STXBP5: variants seen among roughly 807,000 people sequenced by gnomAD.
STXBP5 encodes the protein syntaxin binding protein 5.
Under a neutral mutation model 152.4 loss-of-function variants are expected in STXBP5, and 50 were observed. The observed-to-expected ratio is 0.33, with a 90% CI of 0.26 to 0.42. The LOEUF (loss-of-function observed/expected upper bound fraction) is 0.42. Ranked by LOEUF, STXBP5 falls within the 10% of genes least tolerant of loss-of-function variation. The pLI is 1.00. For synonymous variants in STXBP5, 492 were observed against 494.7 expected (o/e 0.99, Z 0.07); for missense variants, 1,167 against 1,388.6 (o/e 0.84, Z 2.54).
chr6:147,299,103 A>C (rs376511416), intron 9 of STXBP5, among the ~76,000 whole-genome samples: 11 of 152,036 alleles, frequency 7.2e-5, no homozygotes, highest in African/African-American at 2.7e-4. Context: ...CTGAAAAGTT[A>C]AAATCAAACC....
Position 147,327,234 on chromosome 6 carries a change from A to C in STXBP5, c.2038A>C (p.Arg680=), listed in dbSNP as rs907061741. 1.9e-6 allele frequency: 3 copies of C among 1,613,960 alleles called. No homozygotes were observed. Among genetic ancestry groups the C allele is most frequent in the Non-Finnish European group, 2.5e-6 (3 of 1,179,932 alleles). ...ATATGGCTCTAATGATCCTTATCGG[A>C]GAGAACCCCGATCTCCTCGTAAATC... ...ELYGSNDPYR[R]EPRSPRKSRQ... The change falls in exon 18 of 28, where the codon AGA becomes CGA. Residue 680 remains arginine, a synonymous_variant. Coordinates refer to ENST00000321680, the MANE Select transcript of STXBP5 (RefSeq NM_001127715.4).
chr6:147,269,839 A>T (rs1562451792), intron 7 of STXBP5, among the ~76,000 whole-genome samples: 1 of 152,204 alleles, frequency 6.6e-6, no homozygotes, highest in Admixed American at 6.5e-5. Context: ...GTACGACTTC[A>T]AGCAGACTAA....
At chr6:147,358,374 G>A (rs1784903874) in intron 22 of STXBP5, among the ~76,000 whole-genome samples, 1 of 152,178 alleles carries the variant, frequency 6.6e-6, no homozygotes, top group Non-Finnish European at 1.5e-5. Context: ...GAAAGAAGGT[G>A]CCAAGGGCTA....
intron 25 of STXBP5, among the ~76,000 whole-genome samples, chr6:147,367,542 G>T (rs1456573049): frequency 6.6e-6 from 1 of 152,152 alleles, no homozygotes; most frequent in Non-Finnish European, 1.5e-5. Flanking sequence ...GGAGGCTCAG[G>T]CAGGAGAATC....
intron 2 of STXBP5, among the ~76,000 whole-genome samples, chr6:147,217,778 A>C (rs73580502): frequency 6.6e-6 from 1 of 152,210 alleles, no homozygotes; most frequent in African/African-American, 2.4e-5. Context: ...ACAAAAAAGC[A>C]GTTGACCGAC....
chr6:147,274,745 T>G (rs1780356762), intron 7 of STXBP5, among the ~76,000 whole-genome samples: 1 of 152,140 alleles, frequency 6.6e-6, no homozygotes, highest in Admixed American at 6.5e-5. Context: ...TGTCATTTTT[T>G]GGCATTTTTC....
intron 4 of STXBP5, among the ~76,000 whole-genome samples, chr6:147,252,528 A>G (rs775542979): frequency 2.2e-4 from 33 of 152,098 alleles, no homozygotes; most frequent in Non-Finnish European, 4.4e-5. Context: ...ATTAGAGAAA[A>G]AAGAATGACA....
intron 4 of STXBP5, among the ~76,000 whole-genome samples, chr6:147,246,490 G>T (rs1384759940): frequency 6.6e-6 from 1 of 151,970 alleles, no homozygotes; most frequent in Non-Finnish European, 1.5e-5. Flanking sequence ...ATTCTCAGGG[G>T]TTAAGAAAAT....
Position 147,315,742 on chromosome 6 carries a change from A to T in STXBP5, c.1623+7A>T, listed in dbSNP as rs1380844942. The T allele has an allele frequency of 6.2e-7, 1 of 1,605,252 alleles. No homozygotes were observed. Among genetic ancestry groups the T allele is most frequent in the Non-Finnish European group, 8.5e-7 (1 of 1,172,928 alleles). ...AATCACAGAAGTCATTCCGGTAATA[A>T]CGTCTTAGTTATTTTCATGGTCAAG... On this transcript the variant is annotated splice_region_variant and intron_variant, in intron 15 of 27. Coordinates refer to ENST00000321680, the MANE Select transcript of STXBP5 (RefSeq NM_001127715.4).
At position 147,387,751 on chromosome 6, in the gene STXBP5, A is replaced by G. The variant is rs1288337396; in HGVS notation, c.*2996A>G. On this transcript the variant is annotated 3_prime_UTR_variant, in exon 28 of 28. Transcript: ENST00000321680. ...TGTTATTATGTGTAAGTATATTACA[A>G]TTTAATTAAGTACAATAGTTTAAAG... 2.0e-5 allele frequency: 3 copies of G among 151,726 alleles called. No individual in the cohort carries two copies. The highest frequency in any genetic ancestry group is 1.5e-5 in the Non-Finnish European group (1 of 67,764). 9.4% of individuals were successfully genotyped at this position (151,726 alleles called of 1,614,324 possible).
At chr6:147,309,025 G>A (rs938005577) in intron 9 of STXBP5, among the ~76,000 whole-genome samples, 2 of 152,168 alleles carry the variant, frequency 1.3e-5, no homozygotes, top group African/African-American at 4.8e-5. Flanking sequence ...GCTAGGAACA[G>A]AGAGGGTAAG....
At chr6:147,252,592 A>G (rs553537911) in intron 4 of STXBP5, among the ~76,000 whole-genome samples, 2 of 152,182 alleles carry the variant, frequency 1.3e-5, no homozygotes, top group African/African-American at 4.8e-5. Context: ...GACCAAACCT[A>G]TGTTTGATTG....
chr6:147,308,105 AT>A (rs1215919992), intron 9 of STXBP5, among the ~76,000 whole-genome samples: 2 of 152,214 alleles, frequency 1.3e-5, no homozygotes, highest in Non-Finnish European at 2.9e-5. Flanking sequence ...CATTCTAAAA[AT>A]TTAACAAGTG....
At chr6:147,351,333 C>T (rs1319285739) in intron 21 of STXBP5, among the ~76,000 whole-genome samples, 4 of 152,152 alleles carry the variant, frequency 2.6e-5, no homozygotes, top group South Asian at 2.1e-4. Context: ...TCTAGAGAGG[C>T]GGCATCCATA....
At chr6:147,247,421 A>G (rs139501292) in intron 4 of STXBP5, among the ~76,000 whole-genome samples, 2 of 152,306 alleles carry the variant, frequency 1.3e-5, no homozygotes, top group African/African-American at 4.8e-5. Context: ...TACAAAGACA[A>G]CTGGTTGGTG....
rs1308870876 is a variant in STXBP5 at position 147,359,237 on chromosome 6, C to T, written c.2459C>T (p.Thr820Met). Reference protein sequence around the residue: ...SPSPCLWVGTTLGTVLVIALN... With the variant: ...SPSPCLWVGTMLGTVLVIALN... ...TCCCCTTGTCTATGGGTTGGAACAACGCTAGGAACAGTGCTTGTCATTGCA... is the reference window on the plus strand; with the variant it reads ...TCCCCTTGTCTATGGGTTGGAACAATGCTAGGAACAGTGCTTGTCATTGCA... Residue 820 changes from threonine (T) to methionine (M), a missense_variant, in exon 23 of 28, where the codon ACG becomes ATG. Around this residue, in one of 3 missense-constraint regions of STXBP5, gnomAD observed 833 missense variants for 986.3 expected, o/e 0.84. Transcript: ENST00000321680. 3.1e-6 allele frequency: 5 copies of T among 1,613,922 alleles called. No homozygotes were observed. Among genetic ancestry groups the T allele is most frequent in the South Asian group, 2.2e-5 (2 of 91,090 alleles).
chr6:147,356,886 G>A (rs930065506), intron 22 of STXBP5, among the ~76,000 whole-genome samples: 13 of 152,140 alleles, frequency 8.5e-5, no homozygotes, highest in African/African-American at 2.4e-4. Flanking sequence ...GATTTAGGGA[G>A]TTATTAGATG....
intron 25 of STXBP5, among the ~76,000 whole-genome samples, chr6:147,366,148 C>T (rs1015344117): frequency 6.6e-6 from 1 of 152,094 alleles, no homozygotes; most frequent in African/African-American, 2.4e-5. Context: ...CAGGTAAATT[C>T]GAGAGAAAAG....
chr6:147,331,048 C>T (rs533259712), intron 18 of STXBP5, among the ~76,000 whole-genome samples: 1 of 152,272 alleles, frequency 6.6e-6, no homozygotes, highest in African/African-American at 2.4e-5. Flanking sequence ...TCAATTAAAC[C>T]ATGGTACTGG....
Sources: allele counts gnomAD v4.1 joint callset (sites outside exome capture counted in the v4.1 genomes callset), GRCh38; gene constraint gnomAD v4.1.1; regional missense constraint gnomAD v4.1.1; transcripts MANE v1.5; gene names NCBI Gene and HGNC (gene_info 2026-07-23, HGNC 2026-07-21).